Variants in CAMK2D observed in about 807,000 individuals in gnomAD.
CAMK2D encodes the protein calcium/calmodulin-dependent protein kinase type II subunit delta.
Under a neutral mutation model 84.0 loss-of-function variants are expected in CAMK2D, and 37 were observed. That is an observed-to-expected ratio of 0.44 (90% CI 0.34 to 0.58). The LOEUF is 0.58. Among genes scored for constraint, CAMK2D ranks in the 20% least tolerant of loss-of-function variants. CAMK2D has a pLI of 0.02. For missense variants in CAMK2D, 448 were observed against 652.5 expected, an observed-to-expected ratio of 0.69 and a Z score of 3.41; for synonymous variants, 202 against 212.5, an observed-to-expected ratio of 0.95 and a Z score of 0.43.
chr4:113,500,541 G>C (rs1366328587), intron 15 of CAMK2D, 30 bp from the exon 16 acceptor site: 4 of 1,503,036 alleles, frequency 2.7e-6, no homozygotes, highest in Non-Finnish European at 3.7e-6. Context: ...TTTTTAGGTT[G>C]CACGCAATGA....
At chr4:113,623,850 C>T (rs1475791403) in intron 3 of CAMK2D, among the ~76,000 whole-genome samples, 2 of 151,924 alleles carry the variant, frequency 1.3e-5, no homozygotes, top group Admixed American at 6.6e-5. Flanking sequence ...TTTGAATTGT[C>T]TTCTGTCTCC....
chr4:113,528,664 C>T (rs1477368754), intron 8 of CAMK2D, among the ~76,000 whole-genome samples: 1 of 152,100 alleles, frequency 6.6e-6, no homozygotes, highest in Non-Finnish European at 1.5e-5. Context: ...TTAGCTACAA[C>T]CCCCTATCTT....
At chr4:113,714,260 G>A (rs2099505648) in intron 2 of CAMK2D, among the ~76,000 whole-genome samples, 1 of 152,002 alleles carries the variant, frequency 6.6e-6, no homozygotes, top group Non-Finnish European at 1.5e-5. Context: ...TGCCATATCA[G>A]TATGTTTCCT....
intron 2 of CAMK2D, chr4:113,677,389 T>C (rs776712140): frequency 6.4e-6 from 1 of 155,774 alleles, no homozygotes; most frequent in Non-Finnish European, 1.4e-5. Context: ...CAGTGTATGA[T>C]CTACAGCAAA....
chr4:113,601,627 G>A (rs1177466144), intron 4 of CAMK2D, among the ~76,000 whole-genome samples: 1 of 144,312 alleles, frequency 6.9e-6, no homozygotes, highest in Admixed American at 6.9e-5. Context: ...TATAGTTATA[G>A]CATCAGGGTT....
At chr4:113,506,016 TTATAC>T (rs2098123442) in intron 13 of CAMK2D, among the ~76,000 whole-genome samples, 1 of 152,218 alleles carries the variant, frequency 6.6e-6, no homozygotes, top group Non-Finnish European at 1.5e-5. Context: ...GTTCATTTTC[TTATAC>T]TATATTATCT....
chr4:113,657,911 G>C (rs368115816), intron 3 of CAMK2D, among the ~76,000 whole-genome samples: 1 of 152,084 alleles, frequency 6.6e-6, no homozygotes. Context: ...ATAAAATAGA[G>C]AACAGGGAGA....
intron 3 of CAMK2D, among the ~76,000 whole-genome samples, chr4:113,660,670 C>T (rs1300726749): frequency 3.3e-5 from 5 of 152,022 alleles, no homozygotes; most frequent in South Asian, 2.1e-4. Context: ...GGATTATAGG[C>T]GTAAACCACC....
Position 113,468,991 on chromosome 4 carries a change from A to G in CAMK2D, c.1136-3387T>C, listed in dbSNP as rs554227781. On this transcript the variant is annotated intron_variant, in intron 16 of 20. Coordinates refer to ENST00000511664, the MANE Select transcript of CAMK2D (RefSeq NM_001321571.2). ...CTAGATTCTTAGGAAAAGGAAAAAGAGAAAACCAAGTGGGAGAGATGTTCC... is the reference window on the plus strand; with the variant it reads ...CTAGATTCTTAGGAAAAGGAAAAAGGGAAAACCAAGTGGGAGAGATGTTCC... 2.0e-5 allele frequency among the ~76,000 whole-genome samples: 3 copies of G among 152,362 alleles called. No individual in the cohort carries two copies. The East Asian group carries it at 5.8e-4, about 29-fold the overall frequency.
At chr4:113,573,916 C>A (rs1262234058) in intron 4 of CAMK2D, among the ~76,000 whole-genome samples, 1 of 152,142 alleles carries the variant, frequency 6.6e-6, no homozygotes, top group Non-Finnish European at 1.5e-5. Context: ...AAGTGAGAGT[C>A]TCTCATCAAT....
intron 2 of CAMK2D, among the ~76,000 whole-genome samples, chr4:113,668,110 A>G (rs6533710): frequency 0.38 from 57,947 of 151,896 alleles, 11,301 homozygotes; most frequent in South Asian, 0.46. Flanking sequence ...GGAGAAGCTC[A>G]ACCCCAACAT....
chr4:113,488,139 C>G (rs976664372), intron 16 of CAMK2D, among the ~76,000 whole-genome samples: 2 of 151,698 alleles, frequency 1.3e-5, no homozygotes, highest in African/African-American at 4.8e-5. Context: ...TTTACACAAA[C>G]CTTAGATTTA....
In CAMK2D at chr4:113,585,641, G is replaced by GTATAGTATAGATTAGTA. The variant is rs1277860278; in HGVS notation, c.275+23494_275+23510dup. Among the ~76,000 whole-genome samples, 503 of 150,450 alleles carry GTATAGTATAGATTAGTA rather than the reference G, an allele frequency of 3.3e-3. 2 individuals carry two copies. Among genetic ancestry groups the GTATAGTATAGATTAGTA allele is most frequent in the Non-Finnish European group, 5.3e-3 (359 of 67,652 alleles). On this transcript the variant is annotated intron_variant, in intron 4 of 20. Coordinates refer to ENST00000511664, the MANE Select transcript of CAMK2D (RefSeq NM_001321571.2). ...ATCTTACAGTGTAGATTAGTATACAGTATAGTATAGATTAGTATATAGTAT... is the reference window on the plus strand; with the variant it reads ...ATCTTACAGTGTAGATTAGTATACAGTATAGTATAGATTAGTATATAGTATAGATTAGTATATAGTAT...
chr4:113,611,158 T>A (rs1026402277), intron 3 of CAMK2D, among the ~76,000 whole-genome samples: 1 of 152,172 alleles, frequency 6.6e-6, no homozygotes, highest in Non-Finnish European at 1.5e-5. Flanking sequence ...ATTCTTCACG[T>A]TGCCAATATC....
intron 7 of CAMK2D, among the ~76,000 whole-genome samples, chr4:113,532,041 A>T (rs2098462044): frequency 6.6e-6 from 1 of 152,190 alleles, no homozygotes; most frequent in Non-Finnish European, 1.5e-5. Context: ...AACTAAAAAA[A>T]ACTTTTTAAA....
chr4:113,496,492 A>T (rs560618356), intron 16 of CAMK2D, among the ~76,000 whole-genome samples: 2 of 139,754 alleles, frequency 1.4e-5, no homozygotes, highest in South Asian at 4.6e-4. Flanking sequence ...TCTGTCACCC[A>T]GGCTGGAGTG....
chr4:113,483,595 G>C (rs955984403), intron 16 of CAMK2D, among the ~76,000 whole-genome samples: 6 of 151,920 alleles, frequency 3.9e-5, no homozygotes, highest in Admixed American at 1.3e-4. Context: ...GAGTAGAGAT[G>C]GGTTTTCACC....
chr4:113,655,246 C>G (rs17593205), intron 3 of CAMK2D, among the ~76,000 whole-genome samples: 9,560 of 151,940 alleles, frequency 0.063, 545 homozygotes, highest in East Asian at 0.22. Context: ...AAACTGTGGC[C>G]CAGTGAATCT....
At chr4:113,726,945 T>C (rs1029778212) in intron 2 of CAMK2D, among the ~76,000 whole-genome samples, 2 of 152,144 alleles carry the variant, frequency 1.3e-5, no homozygotes, top group Non-Finnish European at 1.5e-5. Flanking sequence ...TCACATGAGA[T>C]ACCCTCTCTT....
Sources: allele counts gnomAD v4.1 joint callset (sites outside exome capture counted in the v4.1 genomes callset), GRCh38; gene constraint gnomAD v4.1.1; transcripts MANE v1.5; gene names NCBI Gene and HGNC (gene_info 2026-07-23, HGNC 2026-07-21).